The following NRG1 variants were observed in gnomAD, a reference collection of about 807,000 sequenced individuals.
NRG1 encodes the protein neuregulin 1.
Under a neutral mutation model 63.8 loss-of-function variants are expected in NRG1, and 18 were observed. That is an observed-to-expected ratio of 0.28 (90% CI 0.19 to 0.42). The LOEUF (loss-of-function observed/expected upper bound fraction) is 0.42, where lower values mean the gene tolerates loss of function less well. Ranked by LOEUF, NRG1 falls within the 10% of genes least tolerant of loss-of-function variation. The pLI is 1.00. For missense variants in NRG1, 762 were observed against 814.7 expected (o/e 0.94, Z 0.79); for synonymous variants, 302 against 301.3 (o/e 1.00, Z -0.02).
rs200630784 is a variant in NRG1, at chr8:32,044,742, T to A, written c.37+405311T>A. ...TCAAAGAAGAAGTGTCAAAAAAAAA[T>A]AAATTATTTCAAACTGCATAGAAAT... On this transcript the variant is annotated intron_variant, in intron 1 of 10. Transcript: ENST00000519301. Among the ~76,000 whole-genome samples the A allele has an allele frequency of 5.3e-3, 766 of 145,698 alleles. 20 individuals are homozygous for A. The South Asian group carries it at 0.064, about 12-fold the overall frequency.
chr8:32,468,016 G>A (rs893130953), intron 1 of NRG1, among the ~76,000 whole-genome samples: 2 of 152,144 alleles, frequency 1.3e-5, no homozygotes, highest in African/African-American at 2.4e-5. Flanking sequence ...AGTCACCTAC[G>A]AGCAGGCGAT....
At chr8:31,934,122 TAA>T (rs1421534836) in intron 1 of NRG1, among the ~76,000 whole-genome samples, 1 of 152,154 alleles carries the variant, frequency 6.6e-6, no homozygotes, top group Non-Finnish European at 1.5e-5. Flanking sequence ...TGTGCATATA[TAA>T]ATACATCTAA....
chr8:32,185,629 T>A (rs73232259), intron 1 of NRG1, among the ~76,000 whole-genome samples: 8,496 of 152,264 alleles, frequency 0.056, 403 homozygotes, highest in East Asian at 0.26. Context: ...CATCATAGAA[T>A]AATAGAGAGT....
At chr8:32,103,540 G>T (rs557840099) in intron 1 of NRG1, among the ~76,000 whole-genome samples, 120 of 152,118 alleles carry the variant, frequency 7.9e-4, no homozygotes, top group Non-Finnish European at 1.4e-3. Context: ...TTTCTTTTGG[G>T]AATATACCCA....
chr8:32,201,296 A>C (rs750932901), intron 1 of NRG1, among the ~76,000 whole-genome samples: 9 of 152,312 alleles, frequency 5.9e-5, no homozygotes, highest in Non-Finnish European at 7.4e-5. Context: ...TGGAAGTGTG[A>C]GGTCAATGCA....
intron 1 of NRG1, among the ~76,000 whole-genome samples, chr8:31,727,455 T>C (rs899435853): frequency 1.3e-5 from 2 of 152,182 alleles, no homozygotes; most frequent in Non-Finnish European, 2.9e-5. Context: ...AATACTTTGC[T>C]TTTCTATGAT....
At chr8:31,689,308 T>G (rs1020121379) in intron 1 of NRG1, among the ~76,000 whole-genome samples, 1 of 152,244 alleles carries the variant, frequency 6.6e-6, no homozygotes, top group African/African-American at 2.4e-5. Flanking sequence ...AAACTACAGC[T>G]TTCTCACAAC....
At chr8:32,764,301 G>A in exon 12 of NRG1, 1 of 1,614,050 alleles carries the variant, frequency 6.2e-7, no homozygotes, top group African/African-American at 1.3e-5. Flanking sequence ...CTTCCGCCTG[G>A]CTGACAGCAG....
At chr8:32,202,029 CTCGTTG>C (rs1313531504) in intron 1 of NRG1, among the ~76,000 whole-genome samples, 1 of 152,148 alleles carries the variant, frequency 6.6e-6, no homozygotes, top group East Asian at 1.9e-4. Context: ...TATTGATTAG[CTCGTTG>C]AGTGTTAATT....
At chr8:32,076,660 A>G (rs527304266) in intron 1 of NRG1, among the ~76,000 whole-genome samples, 2 of 152,040 alleles carry the variant, frequency 1.3e-5, no homozygotes, top group East Asian at 3.9e-4. Flanking sequence ...CTTTACAACA[A>G]ACCCCCATGA....
chr8:32,209,282 TA>T (rs1844409610), intron 1 of NRG1, among the ~76,000 whole-genome samples: 1 of 152,108 alleles, frequency 6.6e-6, no homozygotes. Flanking sequence ...TAGTATTATT[TA>T]ATACTAACAT....
intron 1 of NRG1, among the ~76,000 whole-genome samples, chr8:32,444,182 T>G (rs888350877): frequency 6.7e-6 from 1 of 150,336 alleles, no homozygotes; most frequent in African/African-American, 2.4e-5. Flanking sequence ...GCAGTGGCCC[T>G]ATCATATTTC....
intron 1 of NRG1, among the ~76,000 whole-genome samples, chr8:31,980,050 C>T (rs965503657): frequency 8.6e-5 from 13 of 151,926 alleles, no homozygotes; most frequent in African/African-American, 3.1e-4. Context: ...ATTATTATCC[C>T]TGTTTTATGT....
chr8:31,902,215 T>C (rs1445889184), intron 1 of NRG1, among the ~76,000 whole-genome samples: 1 of 152,156 alleles, frequency 6.6e-6, no homozygotes, highest in African/African-American at 2.4e-5. Flanking sequence ...GGCATTGAAC[T>C]AAGAATAAAA....
intron 1 of NRG1, among the ~76,000 whole-genome samples, chr8:32,004,021 G>A (rs1244086448): frequency 2.0e-5 from 3 of 151,844 alleles, no homozygotes; most frequent in Non-Finnish European, 4.4e-5. Flanking sequence ...TTGAAGATGG[G>A]ATATCCATAA....
chr8:32,196,101 G>A (rs1026025102), intron 1 of NRG1, among the ~76,000 whole-genome samples: 10 of 147,250 alleles, frequency 6.8e-5, no homozygotes, highest in African/African-American at 2.5e-4. Context: ...TACAAATAAT[G>A]TGCAGTAAAA....
intron 1 of NRG1, among the ~76,000 whole-genome samples, chr8:32,114,795 A>C (rs904778740): frequency 1.3e-5 from 2 of 152,162 alleles, no homozygotes; most frequent in African/African-American, 4.8e-5. Flanking sequence ...CTTGCAAGCT[A>C]TCTCATGATG....
At chr8:32,199,647 T>C (rs1352280113) in intron 1 of NRG1, among the ~76,000 whole-genome samples, 2 of 152,230 alleles carry the variant, frequency 1.3e-5, no homozygotes, top group Non-Finnish European at 2.9e-5. Context: ...CTCTTTTTCT[T>C]TCTGCTGTTG....
intron 1 of NRG1, among the ~76,000 whole-genome samples, chr8:32,332,515 T>C (rs1802775041): frequency 6.6e-6 from 1 of 152,190 alleles, no homozygotes; most frequent in Non-Finnish European, 1.5e-5. Context: ...ACCATTACAA[T>C]GCATTATTTT....
Sources: allele counts gnomAD v4.1 joint callset (sites outside exome capture counted in the v4.1 genomes callset), GRCh38; gene constraint gnomAD v4.1.1; transcripts MANE v1.5; gene names NCBI Gene and HGNC (gene_info 2026-07-23, HGNC 2026-07-21).